The following OGT variants were observed in gnomAD, a reference collection of about 807,000 sequenced individuals.
The protein encoded by OGT is UDP-N-acetylglucosamine--peptide N-acetylglucosaminyltransferase 110 kDa subunit.
In OGT, 3 loss-of-function variants were observed where a neutral mutation model predicts 75.8. The observed-to-expected ratio is 0.04, with a 90% confidence interval of 0.02 to 0.10. The LOEUF is 0.10. Among genes scored for constraint, OGT ranks in the 10% least tolerant of loss-of-function variants. The pLI is 1.00. For synonymous variants in OGT, 257 were observed against 289.7 expected, an observed-to-expected ratio of 0.89 and a Z score of 1.15; for missense variants, 260 against 824.4, an observed-to-expected ratio of 0.32 and a Z score of 8.38.
rs1602133894 is a variant in OGT, at chrX:71,533,135, T to G, written c.-165T>G. The G allele has an allele frequency of 2.1e-6, 1 of 485,950 alleles. No homozygotes were observed. The highest frequency in any genetic ancestry group is 3.0e-5 in the South Asian group (1 of 33,559). 40.0% of individuals were successfully genotyped at this position (485,950 alleles called of 1,213,427 possible). A position where few individuals can be genotyped will look rare whatever the true frequency, so the allele number is the denominator to read the frequency against. Reference sequence around the variant, plus strand: ...AGACCGTACTAGGTAGATGGTCAATTAGAGTTCCCAGGGTTTGAAGCCTGT... The same window carrying G: ...AGACCGTACTAGGTAGATGGTCAATGAGAGTTCCCAGGGTTTGAAGCCTGT... On this transcript the variant is annotated 5_prime_UTR_variant, in exon 1 of 22. It adds an upstream start codon to the 5' untranslated region. Transcript: ENST00000373719.
Position 71,556,057 on chromosome X carries a change from T to C in OGT, c.1028T>C (p.Ile343Thr), listed in dbSNP as rs761166629. The change falls in exon 8 of 22, where the codon ATT becomes ACT. Residue 343 changes from isoleucine to threonine, a missense_variant. By Grantham distance (89) the Ile-to-Thr change is moderately conservative. Transcript: ENST00000373719. ...AATATCAAACGAGAACAGGGAAACATTGAAGAGGCAGTTCGCTTGTATCGT... is the reference window on the plus strand; with the variant it reads ...AATATCAAACGAGAACAGGGAAACACTGAAGAGGCAGTTCGCTTGTATCGT... ...LANIKREQGN[I>T]EEAVRLYRKA... is the part of the protein sequence containing the mutation. The C allele has an allele frequency of 4.1e-6, 5 of 1,211,895 alleles. No individual in the cohort carries two copies.
chrX:71,556,187 G>A, intron 8 of OGT, 93 bp downstream of exon 8: 1 of 975,330 alleles, frequency 1.0e-6, no homozygotes, highest in Non-Finnish European at 1.4e-6. Context: ...AAAAATAGTG[G>A]TTGAATCATT....
At chrX:71,551,584 A>G (rs1435541281) in intron 5 of OGT, among the ~76,000 whole-genome samples, 1 of 112,316 alleles carries the variant, frequency 8.9e-6, no homozygotes, top group African/African-American at 3.2e-5. Context: ...GTGAGCTGAG[A>G]TTGCACCATT....
At chrX:71,571,216 A>G (rs1345880983) in intron 21 of OGT, among the ~76,000 whole-genome samples, 1 of 111,744 alleles carries the variant, frequency 8.9e-6, no homozygotes, top group Non-Finnish European at 1.9e-5. Flanking sequence ...AAACACATCT[A>G]TACCTACTGC....
At position 71,543,734 on chromosome X, in the gene OGT, ATGTGTG is replaced by A. The variant is rs1156448647; in HGVS notation, c.463-805_463-800del. Among the ~76,000 whole-genome samples, 215 of 82,435 alleles carry A rather than the reference ATGTGTG, an allele frequency of 2.6e-3. 4 individuals are homozygous for A. Among genetic ancestry groups the A allele is most frequent in the African/African-American group, 8.2e-3 (189 of 22,976 alleles). The allele number at this position is 82,435 out of a possible 115,157, so 71.6% of individuals were successfully genotyped here. On this transcript the variant is annotated intron_variant, in intron 3 of 21. Coordinates refer to ENST00000373719, the MANE Select transcript of OGT (RefSeq NM_181672.3). Reference sequence around the variant, plus strand: ...TAACATAGTTGGACAAATATTTGAGATGTGTGTGTGTGTGTGTGTGTGTGTGTGTGT... The same window carrying A: ...TAACATAGTTGGACAAATATTTGAGATGTGTGTGTGTGTGTGTGTGTGTGT...
chrX:71,543,734 ATGTGTGTGTGTG>A (rs1156448647), intron 3 of OGT, among the ~76,000 whole-genome samples: 7 of 82,435 alleles, frequency 8.5e-5, no homozygotes, highest in Non-Finnish European at 1.7e-4. Flanking sequence ...AATATTTGAG[ATGTGTGTGTGTG>A]TGTGTGTGTG....
intron 1 of OGT, 74 bp downstream of exon 1, chrX:71,533,410 T>C: frequency 1.1e-6 from 1 of 889,457 alleles, no homozygotes; most frequent in South Asian, 2.1e-5. Flanking sequence ...GTATCACTCC[T>C]TCCCTCCCTT....
At chrX:71,565,648 GT>G (rs2040411979) in intron 19 of OGT, among the ~76,000 whole-genome samples, 1 of 112,119 alleles carries the variant, frequency 8.9e-6, no homozygotes, top group African/African-American at 3.2e-5. Context: ...GCATTCTTCT[GT>G]CTAAAGGGTC....
At chrX:71,550,487 G>GA (rs2040295537) in intron 5 of OGT, among the ~76,000 whole-genome samples, 1 of 111,357 alleles carries the variant, frequency 9.0e-6, no homozygotes, top group Non-Finnish European at 1.9e-5. Flanking sequence ...GGGCTCAAGT[G>GA]ATCCTCCCAC....
intron 12 of OGT, among the ~76,000 whole-genome samples, chrX:71,558,883 C>T (rs921307643): frequency 9.7e-6 from 1 of 103,472 alleles, no homozygotes; most frequent in African/African-American, 3.5e-5. Flanking sequence ...GGGCGATTCT[C>T]CCACCTCAGC....
intron 6 of OGT, 68 bp from the exon 7 acceptor site, chrX:71,555,122 A>G (rs2040333185): frequency 2.4e-6 from 2 of 839,692 alleles, no homozygotes; most frequent in Non-Finnish European, 3.3e-6. Context: ...TCCATTAAGC[A>G]TGAGTTACAT....
At chrX:71,541,200 G>C (rs1254670283) in intron 3 of OGT, among the ~76,000 whole-genome samples, 1 of 112,248 alleles carries the variant, frequency 8.9e-6, no homozygotes, top group Non-Finnish European at 1.9e-5. Context: ...TGGATGCACA[G>C]AATGGAGAGC....
chrX:71,544,886 C>T (rs898647350), intron 4 of OGT: 10 of 353,969 alleles, frequency 2.8e-5, no homozygotes, highest in African/African-American at 2.1e-4. Context: ...TAACACTGGG[C>T]TCCGTCATGA....
intron 19 of OGT, among the ~76,000 whole-genome samples, chrX:71,565,288 G>T (rs958154574): frequency 1.8e-5 from 2 of 112,114 alleles, no homozygotes; most frequent in Non-Finnish European, 3.8e-5. Context: ...GTGTAGTGGT[G>T]TGATCTTGGC....
chrX:71,573,881 C>T lies in OGT; in HGVS notation c.*87C>T. ...ACTAGATAACATACTTCTTACTTGTCTGTACAGTACCTTGTTGCAGATGGG... is the reference window on the plus strand; with the variant it reads ...ACTAGATAACATACTTCTTACTTGTTTGTACAGTACCTTGTTGCAGATGGG... On this transcript the variant is annotated 3_prime_UTR_variant, in exon 22 of 22. Coordinates refer to ENST00000373719, the MANE Select transcript of OGT (RefSeq NM_181672.3). 1 of 688,268 alleles carries T rather than the reference C, an allele frequency of 1.5e-6. No individual in the cohort carries two copies. Among genetic ancestry groups the T allele is most frequent in the Non-Finnish European group, 2.0e-6 (1 of 489,397 alleles). The allele number at this position is 688,268 out of a possible 1,213,427, so 56.7% of individuals were successfully genotyped here.
chrX:71,563,599 T>C, intron 18 of OGT, 100 bp downstream of exon 18: 2 of 646,642 alleles, frequency 3.1e-6, no homozygotes, highest in Admixed American at 3.6e-5. Context: ...TTATCACCAT[T>C]TTTATGGATG....
chrX:71,573,713 T>C lies in OGT; in HGVS notation c.3060T>C (p.Tyr1020=), dbSNP rs1379327843. The change falls in exon 22 of 22, where the codon TAT becomes TAC. Residue 1020 remains tyrosine, a synonymous_variant. Transcript: ENST00000373719. The part of the protein sequence containing the change: ...KQYTMELERL[Y]LQMWEHYAAG... Reference sequence around the variant, plus strand: ...ACACAATGGAACTAGAGCGGCTCTATCTACAGATGTGGGAGCATTATGCAG... The same window carrying C: ...ACACAATGGAACTAGAGCGGCTCTACCTACAGATGTGGGAGCATTATGCAG... The C allele has an allele frequency of 5.5e-5, 67 of 1,207,761 alleles. No homozygotes were observed. Among genetic ancestry groups the C allele is most frequent in the Non-Finnish European group, 6.9e-5 (62 of 893,494 alleles).
intron 5 of OGT, among the ~76,000 whole-genome samples, chrX:71,548,254 G>A (rs1043628709): frequency 9.0e-6 from 1 of 111,287 alleles, no homozygotes; most frequent in East Asian, 2.8e-4. Context: ...TACCCATGCA[G>A]CCATTCTGGT....
intron 14 of OGT, among the ~76,000 whole-genome samples, chrX:71,560,180 G>A (rs1178337257): frequency 3.7e-5 from 4 of 106,845 alleles, no homozygotes; most frequent in African/African-American, 1.4e-4. Context: ...TTGGGAGGCT[G>A]AGGCAGGGGA....
Sources: gnomAD v4.1 joint callset for allele counts (sites outside exome capture counted in the v4.1 genomes callset) on GRCh38, gnomAD v4.1.1 for gene constraint, MANE v1.5 for transcripts, NCBI Gene and HGNC (gene_info 2026-07-23, HGNC 2026-07-21) for gene names.